Variants in SLC25A26 observed in about 807,000 individuals in gnomAD.
SLC25A26 encodes mitochondrial S-adenosylmethionine carrier protein.
A neutral mutation model predicts 37.8 loss-of-function variants in SLC25A26; 36 were observed. The ratio of observed to expected loss-of-function variants is 0.95; its 90% CI spans 0.73 to 1.26. SLC25A26 has a LOEUF of 1.26. Ranked by LOEUF, SLC25A26 falls within the 50% of genes most tolerant of loss-of-function variation. The pLI is 0.00. For missense variants in SLC25A26, 390 were observed against 331.1 expected, an observed-to-expected ratio of 1.18 and a Z score of -1.38; for synonymous variants, 129 against 122.5, an observed-to-expected ratio of 1.05 and a Z score of -0.35.
chr3:66,252,302 C>A (rs966220658), intron 3 of SLC25A26, among the ~76,000 whole-genome samples: 6 of 152,170 alleles, frequency 3.9e-5, no homozygotes, highest in African/African-American at 1.4e-4. Context: ...ATAGCTAATA[C>A]TATTAATAGG....
intron 1 of SLC25A26, among the ~76,000 whole-genome samples, chr3:66,136,249 G>C (rs1359564744): frequency 6.6e-6 from 1 of 152,146 alleles, no homozygotes; most frequent in African/African-American, 2.4e-5. Flanking sequence ...TAACATTTCG[G>C]TGGTTCACTC....
At chr3:66,192,361 C>CCT (rs2070962002) in intron 1 of SLC25A26, among the ~76,000 whole-genome samples, 1 of 151,160 alleles carries the variant, frequency 6.6e-6, no homozygotes, top group East Asian at 1.9e-4. Context: ...GAATTTGCTC[C>CCT]CTCTCTCGAC....
chr3:66,339,231 G>C (rs571129477), intron 5 of SLC25A26, among the ~76,000 whole-genome samples: 2 of 152,172 alleles, frequency 1.3e-5, no homozygotes, highest in South Asian at 2.1e-4. Context: ...CCTTTGTGAA[G>C]TGCTTCTTCA....
chr3:66,239,640 A>C (rs2107068733), intron 2 of SLC25A26, among the ~76,000 whole-genome samples: 1 of 152,178 alleles, frequency 6.6e-6, no homozygotes, highest in South Asian at 2.1e-4. Context: ...TCATGAAATG[A>C]CTTTGCTGTT....
intron 5 of SLC25A26, among the ~76,000 whole-genome samples, chr3:66,326,729 C>T (rs59312369): frequency 0.011 from 1,602 of 152,278 alleles, 28 homozygotes; most frequent in African/African-American, 0.036. Flanking sequence ...ACCCTGCAGA[C>T]AGTATGTTGA....
intron 5 of SLC25A26, among the ~76,000 whole-genome samples, chr3:66,336,467 T>C (rs1042227213): frequency 8.0e-4 from 122 of 152,164 alleles, no homozygotes; most frequent in Non-Finnish European, 1.2e-3. Context: ...CGGATTATAT[T>C]TGATAAAAGA....
intron 2 of SLC25A26, among the ~76,000 whole-genome samples, chr3:66,241,042 T>G (rs1302453824): frequency 1.3e-5 from 2 of 152,192 alleles, no homozygotes; most frequent in Non-Finnish European, 2.9e-5. Context: ...CCACCGTACC[T>G]GGCCACCTTT....
rs1254553826 is a variant in SLC25A26 at position 66,266,603 on chromosome 3, A to G, written c.453+3224A>G. Among the ~76,000 whole-genome samples, 31 of 82,814 alleles carry G rather than the reference A, an allele frequency of 3.7e-4. 1 individual carries two copies. In the Admixed American group the frequency reaches 4.7e-3, roughly 13 times the overall value. 54.3% of individuals were successfully genotyped at this position (82,814 alleles called of 152,430 possible). On this transcript the variant is annotated intron_variant, in intron 5 of 9. Transcript: ENST00000354883. The stretch of plus-strand genomic sequence containing the variant: ...TTTTTTTTTTTTTTTTTTTTACTGC[A>G]TTTGATGTTTGTGGAGATTGCATGC...
At chr3:66,276,414 TGGG>T (rs900897925) in intron 5 of SLC25A26, among the ~76,000 whole-genome samples, 13 of 152,218 alleles carry the variant, frequency 8.5e-5, no homozygotes, top group African/African-American at 2.9e-4. Context: ...AATAATGTGA[TGGG>T]GGATCTACAA....
At chr3:66,167,936 C>A (rs910584056) in intron 1 of SLC25A26, among the ~76,000 whole-genome samples, 1 of 151,638 alleles carries the variant, frequency 6.6e-6, no homozygotes, top group African/African-American at 2.4e-5. Context: ...GGCGGATCAC[C>A]TGAGGTTGGG....
At chr3:66,284,814 C>T (rs1020563670) in intron 5 of SLC25A26, among the ~76,000 whole-genome samples, 5 of 152,072 alleles carry the variant, frequency 3.3e-5, no homozygotes, top group African/African-American at 9.7e-5. Flanking sequence ...CAAGAAAACA[C>T]GGCGAAAGGT....
intron 5 of SLC25A26, among the ~76,000 whole-genome samples, chr3:66,344,298 A>G (rs1227786964): frequency 6.6e-6 from 1 of 152,156 alleles, no homozygotes; most frequent in Non-Finnish European, 1.5e-5. Flanking sequence ...CCCCGTCTCT[A>G]CTAAAAATAC....
intron 6 of SLC25A26, among the ~76,000 whole-genome samples, chr3:66,357,262 A>G (rs1365056174): frequency 2.6e-5 from 4 of 152,168 alleles, no homozygotes; most frequent in Admixed American, 2.6e-4. Flanking sequence ...AAAATAAAAT[A>G]AATTAGCCGG....
chr3:66,288,032 G>T (rs932440947), intron 5 of SLC25A26, among the ~76,000 whole-genome samples: 2 of 152,200 alleles, frequency 1.3e-5, no homozygotes, highest in African/African-American at 4.8e-5. Flanking sequence ...GGGTACAGAG[G>T]TGTAGAATTA....
intron 1 of SLC25A26, among the ~76,000 whole-genome samples, chr3:66,231,067 C>G (rs528575721): frequency 6.6e-6 from 1 of 151,760 alleles, no homozygotes; most frequent in African/African-American, 2.4e-5. Flanking sequence ...CTCAGCTACT[C>G]CGGAGGCTGA....
chr3:66,170,905 G>A (rs1043950031), intron 1 of SLC25A26, among the ~76,000 whole-genome samples: 3 of 130,160 alleles, frequency 2.3e-5, no homozygotes, highest in Admixed American at 1.8e-4. Flanking sequence ...CCGGGTTCAC[G>A]CCATTCTCCT....
intron 6 of SLC25A26, among the ~76,000 whole-genome samples, chr3:66,350,817 C>G (rs970385816): frequency 2.0e-5 from 3 of 152,088 alleles, no homozygotes; most frequent in East Asian, 1.9e-4. Flanking sequence ...CTTCTCTGTT[C>G]TCTGACTCCT....
intron 1 of SLC25A26, among the ~76,000 whole-genome samples, chr3:66,179,676 T>C (rs1328288568): frequency 6.6e-6 from 1 of 152,166 alleles, no homozygotes; most frequent in African/African-American, 2.4e-5. Flanking sequence ...CTATAACATA[T>C]ACGCTTTAGT....
At chr3:66,358,928 G>C (rs188786247) in intron 6 of SLC25A26, among the ~76,000 whole-genome samples, 94 of 152,324 alleles carry the variant, frequency 6.2e-4, no homozygotes, top group Non-Finnish European at 2.9e-5. Context: ...GTGTATTGTG[G>C]TTGCTGTTAC....
Sources: allele counts gnomAD v4.1 joint callset (sites outside exome capture counted in the v4.1 genomes callset), GRCh38; gene constraint gnomAD v4.1.1; transcripts MANE v1.5; gene names NCBI Gene and HGNC (gene_info 2026-07-23, HGNC 2026-07-21).